STX6: variants seen among roughly 807,000 people sequenced by gnomAD.
STX6 encodes syntaxin-6.
In STX6, 23 loss-of-function variants were observed where a neutral mutation model predicts 38.0. The ratio of observed to expected loss-of-function variants is 0.60; its 90% CI spans 0.43 to 0.86. The LOEUF (loss-of-function observed/expected upper bound fraction) is 0.86, where lower values mean the gene tolerates loss of function less well. STX6 is among the 40% of genes least tolerant of loss of function. STX6 has a pLI of 0.00. For synonymous variants in STX6, 123 were observed against 107.5 expected (o/e 1.14, Z -0.89); for missense variants, 274 against 312.9 (o/e 0.88, Z 0.94).
intron 6 of STX6, among the ~76,000 whole-genome samples, chr1:180,985,133 G>A (rs1029370986): frequency 8.7e-6 from 1 of 114,476 alleles, no homozygotes; most frequent in African/African-American, 3.0e-5. Context: ...TGAGCTTGCG[G>A]CAAATTTAAA....
chr1:181,003,963 G>A (rs1056301679), intron 2 of STX6, among the ~76,000 whole-genome samples: 1 of 152,206 alleles, frequency 6.6e-6, no homozygotes, highest in Non-Finnish European at 1.5e-5. Context: ...TAAACATGAA[G>A]ACAGTCTACA....
At chr1:181,000,486 A>C (rs1656049260) in intron 3 of STX6, among the ~76,000 whole-genome samples, 3 of 152,028 alleles carry the variant, frequency 2.0e-5, no homozygotes, top group Admixed American at 2.0e-4. Flanking sequence ...CATGAGACTC[A>C]CTCACTATCA....
At chr1:180,994,608 A>C (rs1031334764) in intron 3 of STX6, among the ~76,000 whole-genome samples, 1 of 152,228 alleles carries the variant, frequency 6.6e-6, no homozygotes, top group African/African-American at 2.4e-5. Context: ...TAAGTGGATG[A>C]GATTTCACTC....
At chr1:181,002,959 GCTAT>G (rs1656125480) in intron 2 of STX6, among the ~76,000 whole-genome samples, 1 of 152,164 alleles carries the variant, frequency 6.6e-6, no homozygotes, top group Non-Finnish European at 1.5e-5. Flanking sequence ...AACACTTAGG[GCTAT>G]CTGACCACAG....
At chr1:181,009,859 T>C (rs1028569630) in intron 1 of STX6, among the ~76,000 whole-genome samples, 2 of 150,394 alleles carry the variant, frequency 1.3e-5, no homozygotes, top group Non-Finnish European at 2.9e-5. Context: ...GGATAAACTG[T>C]AGTATATATG....
At chr1:180,982,438 T>C (rs1655444225) in intron 7 of STX6, among the ~76,000 whole-genome samples, 1 of 152,216 alleles carries the variant, frequency 6.6e-6, no homozygotes. Context: ...CCTGGCTCTT[T>C]TTCCTATACA....
intron 3 of STX6, among the ~76,000 whole-genome samples, chr1:180,997,084 G>A (rs1457880571): frequency 1.3e-5 from 2 of 152,168 alleles, no homozygotes; most frequent in Non-Finnish European, 2.9e-5. Flanking sequence ...AAAGACCTAG[G>A]TTTAAGACTT....
At chr1:181,022,578 G>A in intron 1 of STX6, 61 bp downstream of exon 1, 4 of 1,552,890 alleles carry the variant, frequency 2.6e-6, no homozygotes, top group Non-Finnish European at 3.5e-6. Context: ...GAAGACCTAG[G>A]AGGTGCGGGC....
intron 4 of STX6, among the ~76,000 whole-genome samples, chr1:180,990,807 C>T (rs994818510): frequency 2.6e-5 from 4 of 152,060 alleles, no homozygotes; most frequent in African/African-American, 7.2e-5. Context: ...ACACAAGGGT[C>T]GGGTTTCCCA....
chr1:180,986,264 T>C (rs759690631), intron 6 of STX6, among the ~76,000 whole-genome samples: 8 of 152,262 alleles, frequency 5.3e-5, no homozygotes, highest in Non-Finnish European at 8.8e-5. Flanking sequence ...GTAGCCATGT[T>C]TGTAAAAATT....
At chr1:181,001,666 G>C (rs1452506729) in intron 3 of STX6, among the ~76,000 whole-genome samples, 1 of 152,162 alleles carries the variant, frequency 6.6e-6, no homozygotes. Context: ...CTTCAACAAT[G>C]CGAAGTGATT....
rs578101226 is a variant in STX6, at chr1:180,990,835, G to A, written c.364-726C>T. 2.0e-5 allele frequency among the ~76,000 whole-genome samples: 3 copies of A among 152,268 alleles called. No homozygotes were observed. In the South Asian group the frequency reaches 6.2e-4, roughly 32 times the overall value. ...GTTTCCCAAGTATGAATTCAAGGAAGTTTGCAGCCATAAATGGGTATGTCT... is the reference window on the plus strand; with the variant it reads ...GTTTCCCAAGTATGAATTCAAGGAAATTTGCAGCCATAAATGGGTATGTCT... On this transcript the variant is annotated intron_variant, in intron 4 of 7. Coordinates refer to ENST00000258301, the MANE Select transcript of STX6 (RefSeq NM_005819.6).
intron 7 of STX6, among the ~76,000 whole-genome samples, chr1:180,979,843 A>C (rs1655351143): frequency 8.0e-6 from 1 of 125,614 alleles, no homozygotes; most frequent in Non-Finnish European, 1.8e-5. Flanking sequence ...GAATTTTTAA[A>C]ACTCACCAGT....
intron 7 of STX6, among the ~76,000 whole-genome samples, chr1:180,978,069 G>C (rs2102298431): frequency 6.6e-6 from 1 of 152,292 alleles, no homozygotes; most frequent in East Asian, 1.9e-4. Flanking sequence ...GTCACACTTT[G>C]ACCTGTTTAA....
chr1:180,992,138 G>C (rs1209681340), intron 4 of STX6, among the ~76,000 whole-genome samples: 2 of 152,114 alleles, frequency 1.3e-5, no homozygotes, highest in South Asian at 2.1e-4. Context: ...TAGCCAACTT[G>C]AGGGCATTCA....
intron 7 of STX6, among the ~76,000 whole-genome samples, chr1:180,978,560 C>T (rs1655315788): frequency 6.6e-6 from 1 of 152,216 alleles, no homozygotes; most frequent in South Asian, 2.1e-4. Flanking sequence ...GGAAAAATCC[C>T]CTCATGCTTC....
chr1:181,005,132 T>G (rs1217749579), intron 2 of STX6, 162 bp downstream of exon 2: 3 of 923,370 alleles, frequency 3.2e-6, no homozygotes, highest in Non-Finnish European at 3.9e-6. Context: ...TACTGTACCT[T>G]AAGTTACTGG....
At chr1:180,999,283 T>A (rs926872217) in intron 3 of STX6, among the ~76,000 whole-genome samples, 1 of 152,208 alleles carries the variant, frequency 6.6e-6, no homozygotes, top group Non-Finnish European at 1.5e-5. Flanking sequence ...AGCCTAGAAC[T>A]CAGGTTCCCT....
At chr1:181,020,630 T>G (rs1656698892) in intron 1 of STX6, among the ~76,000 whole-genome samples, 1 of 152,162 alleles carries the variant, frequency 6.6e-6, no homozygotes, top group Non-Finnish European at 1.5e-5. Context: ...CTGCCCATCT[T>G]CAAAACCTAA....
Sources: allele counts gnomAD v4.1 joint callset (sites outside exome capture counted in the v4.1 genomes callset), GRCh38; gene constraint gnomAD v4.1.1; transcripts MANE v1.5; gene names NCBI Gene and HGNC (gene_info 2026-07-23, HGNC 2026-07-21).